Variants in DMD observed in about 807,000 individuals in gnomAD.
The protein encoded by DMD is dystrophin.
In DMD, 63 loss-of-function variants were observed where a neutral mutation model predicts 330.1. The observed-to-expected ratio is 0.19, with a 90% CI of 0.16 to 0.24. The LOEUF is 0.24. DMD is among the 10% of genes least tolerant of loss of function. DMD has a pLI of 1.00. For synonymous variants in DMD, 1,223 were observed against 959.8 expected (o/e 1.27, Z -5.07); for missense variants, 3,344 against 2,684.1 (o/e 1.25, Z -5.43).
intron 2 of DMD, among the ~76,000 whole-genome samples, chrX:33,007,136 G>A (rs1335085319): frequency 9.1e-6 from 1 of 110,152 alleles, no homozygotes; most frequent in African/African-American, 3.3e-5. Context: ...ATTATTTCTG[G>A]CTACTGTTCA....
At chrX:32,692,331 T>C (rs1439468404) in intron 9 of DMD, among the ~76,000 whole-genome samples, 1 of 112,175 alleles carries the variant, frequency 8.9e-6, no homozygotes, top group East Asian at 2.8e-4. Context: ...ATTCTGTTTC[T>C]GGGTAATTTG....
chrX:32,178,660 C>T (rs1450548261), intron 44 of DMD, among the ~76,000 whole-genome samples: 1 of 111,136 alleles, frequency 9.0e-6, no homozygotes, highest in Non-Finnish European at 1.9e-5. Flanking sequence ...AATTCACTAT[C>T]TGTATATATT....
intron 26 of DMD, among the ~76,000 whole-genome samples, chrX:32,451,401 TA>T (rs978960331): frequency 2.8e-4 from 31 of 109,189 alleles, no homozygotes; most frequent in Admixed American, 1.4e-3. Context: ...GAGTAAAAAT[TA>T]AAAAAAAATA....
intron 55 of DMD, among the ~76,000 whole-genome samples, chrX:31,522,363 CTATATATATATA>C (rs1556678891): frequency 2.8e-5 from 1 of 35,964 alleles, no homozygotes; most frequent in African/African-American, 1.9e-4. Flanking sequence ...CTCTCTCTCT[CTATATATATATA>C]TATATATATA....
intron 60 of DMD, among the ~76,000 whole-genome samples, chrX:31,427,561 G>T (rs1400987582): frequency 8.9e-6 from 1 of 111,813 alleles, no homozygotes; most frequent in Non-Finnish European, 1.9e-5. Flanking sequence ...CTGAGAAAAG[G>T]CATTAACCAA....
intron 1 of DMD, among the ~76,000 whole-genome samples, chrX:33,184,745 A>G (rs1304169772): frequency 1.3e-5 from 1 of 76,324 alleles, no homozygotes; most frequent in Non-Finnish European, 2.3e-5. Context: ...TTTTTTTGAG[A>G]CAGAGTCTCG....
chrX:33,038,544 T>C (rs188114262), intron 1 of DMD, among the ~76,000 whole-genome samples: 36 of 112,164 alleles, frequency 3.2e-4, no homozygotes, highest in African/African-American at 9.4e-4. Context: ...CTTGTCACCT[T>C]GACTCCCAGC....
At chrX:32,406,919 C>A (rs747172528) in intron 30 of DMD, among the ~76,000 whole-genome samples, 1 of 111,099 alleles carries the variant, frequency 9.0e-6, no homozygotes, top group South Asian at 3.8e-4. Flanking sequence ...ACTGGCTAGC[C>A]ATATGTAGAA....
chrX:32,438,401 T>C lies in DMD; in HGVS notation c.3922-11A>G. 1 of 1,209,137 alleles carries C rather than the reference T, an allele frequency of 8.3e-7. No homozygotes were observed. Among genetic ancestry groups the C allele is most frequent in the Non-Finnish European group, 1.1e-6 (1 of 893,389 alleles). On this transcript the variant is annotated splice_polypyrimidine_tract_variant and intron_variant, in intron 28 of 78. Coordinates refer to ENST00000357033, the MANE Select transcript of DMD (RefSeq NM_004006.3). ...CAAATTTTCAAGTGACTGAAACACA[T>C]TTGCAATAATTACTATTTCTCCTTT...
chrX:31,258,104 T>C (rs1487738112), intron 63 of DMD, among the ~76,000 whole-genome samples: 2 of 112,477 alleles, frequency 1.8e-5, no homozygotes, highest in Admixed American at 9.4e-5. Flanking sequence ...TATCAATTCC[T>C]ATATACGTGT....
intron 61 of DMD, among the ~76,000 whole-genome samples, chrX:31,325,565 A>C (rs1489886051): frequency 4.5e-5 from 5 of 110,978 alleles, no homozygotes; most frequent in Non-Finnish European, 9.4e-5. Flanking sequence ...AGTGAGCTGA[A>C]ATCGCACCAC....
intron 1 of DMD, among the ~76,000 whole-genome samples, chrX:33,130,209 A>G (rs2095490954): frequency 8.9e-6 from 1 of 111,973 alleles, no homozygotes; most frequent in Non-Finnish European, 1.9e-5. Context: ...ATTAAGATCT[A>G]AAGGGAAAAA....
intron 7 of DMD, among the ~76,000 whole-genome samples, chrX:32,759,349 C>A (rs2855696): frequency 0.44 from 48,367 of 110,209 alleles, 9,077 homozygotes; most frequent in African/African-American, 0.71. Context: ...GTAACAAAGA[C>A]AGGACTCAAG....
intron 1 of DMD, among the ~76,000 whole-genome samples, chrX:33,135,775 CAG>C (rs923744200): frequency 5.4e-5 from 6 of 111,671 alleles, no homozygotes; most frequent in African/African-American, 2.0e-4. Flanking sequence ...GGTCTAATAA[CAG>C]TACTTATATT....
At chrX:33,009,007 CACAT>C (rs1304649204) in intron 2 of DMD, among the ~76,000 whole-genome samples, 1 of 95,308 alleles carries the variant, frequency 1.0e-5, no homozygotes, top group Non-Finnish European at 2.1e-5. Flanking sequence ...TATATATACA[CACAT>C]ACACACGTAT....
chrX:32,791,471 G>T (rs774197540), intron 7 of DMD, among the ~76,000 whole-genome samples: 6 of 111,780 alleles, frequency 5.4e-5, no homozygotes, highest in African/African-American at 1.9e-4. Context: ...CCCAGTCACC[G>T]GCAAAACTTC....
chrX:32,805,488 T>A (rs757774097), intron 7 of DMD, among the ~76,000 whole-genome samples: 9 of 112,136 alleles, frequency 8.0e-5, no homozygotes, highest in Admixed American at 2.8e-4. Context: ...CTAAGTTTGA[T>A]TAGTATACCT....
intron 2 of DMD, among the ~76,000 whole-genome samples, chrX:32,943,811 TTTCA>T (rs1347855634): frequency 8.9e-6 from 1 of 112,312 alleles, no homozygotes; most frequent in Non-Finnish European, 1.9e-5. Flanking sequence ...TTATTTTTAT[TTTCA>T]TTATTTGGTT....
At chrX:31,134,456 T>C (rs1330112945) in intron 76 of DMD, among the ~76,000 whole-genome samples, 2 of 103,520 alleles carry the variant, frequency 1.9e-5, no homozygotes, top group Admixed American at 2.1e-4. Context: ...GGAGTCTTGC[T>C]CTGTCACCCA....
Sources: gnomAD v4.1 joint callset for allele counts (sites outside exome capture counted in the v4.1 genomes callset) on GRCh38, gnomAD v4.1.1 for gene constraint, MANE v1.5 for transcripts, NCBI Gene and HGNC (gene_info 2026-07-23, HGNC 2026-07-21) for gene names.